The following NEBL variants were observed in gnomAD, a reference collection of about 807,000 sequenced individuals.
NEBL encodes the protein LIM and SH3 protein 2.
NEBL carries 122 observed loss-of-function variants against 140.2 expected under a neutral mutation model. The observed-to-expected ratio is 0.87, with a 90% CI of 0.75 to 1.01. NEBL has a LOEUF of 1.01. Among genes scored for constraint, NEBL ranks in the 50% least tolerant of loss-of-function variants. NEBL has a pLI of 0.00. For missense variants in NEBL, 1,365 were observed against 1,231.3 expected, an observed-to-expected ratio of 1.11 and a Z score of -1.62; for synonymous variants, 436 against 398.9, an observed-to-expected ratio of 1.09 and a Z score of -1.11.
At chr10:21,120,515 C>G (rs969377930) in intron 2 of NEBL, among the ~76,000 whole-genome samples, 5 of 145,104 alleles carry the variant, frequency 3.4e-5, no homozygotes, top group African/African-American at 5.2e-5. Flanking sequence ...TTGGAGAATA[C>G]TCTATTCTTC....
chr10:21,195,131 C>G (rs1475896198), intron 3 of NEBL, among the ~76,000 whole-genome samples: 1 of 152,040 alleles, frequency 6.6e-6, no homozygotes, highest in Non-Finnish European at 1.5e-5. Flanking sequence ...ATTTCCTAGC[C>G]CTGTCAACCC....
chr10:20,893,581 G>C (rs1314843324), intron 2 of NEBL, among the ~76,000 whole-genome samples: 1 of 152,238 alleles, frequency 6.6e-6, no homozygotes, highest in African/African-American at 2.4e-5. Context: ...CTGAAAAACG[G>C]ACATTTCTCT....
intron 3 of NEBL, among the ~76,000 whole-genome samples, chr10:20,969,273 GTTAA>G (rs1836460634): frequency 6.6e-6 from 1 of 151,332 alleles, no homozygotes; most frequent in South Asian, 2.1e-4. Context: ...TAAATCTATG[GTTAA>G]TTAAATAAAA....
rs572084137 is a variant in NEBL at position 20,927,651 on chromosome 10, G to A, written c.357+34021C>T. Among the ~76,000 whole-genome samples the A allele has an allele frequency of 2.6e-5, 4 of 152,302 alleles. No individual in the cohort carries two copies. The East Asian group carries it at 7.7e-4, about 29-fold the overall frequency. The stretch of plus-strand genomic sequence containing the variant: ...GTTCGTGTAAATATCCTTTGCCAGT[G>A]TAAACACAGAATAACTCAAGTGCAA... On this transcript the variant is annotated intron_variant, in intron 4 of 6. Coordinates refer to the NEBL transcript ENST00000417816.
chr10:21,008,898 T>C (rs1357469182), intron 3 of NEBL, among the ~76,000 whole-genome samples: 2 of 151,672 alleles, frequency 1.3e-5, no homozygotes, highest in African/African-American at 4.8e-5. Flanking sequence ...ATGTATATTA[T>C]ATGTATATCT....
intron 3 of NEBL, among the ~76,000 whole-genome samples, chr10:21,244,581 G>A (rs1007965855): frequency 1.3e-5 from 2 of 151,740 alleles, no homozygotes; most frequent in Non-Finnish European, 2.9e-5. Context: ...GAACCTGGGA[G>A]ATAGAGGTTG....
Position 21,136,468 on chromosome 10 carries a change from AC to A in NEBL, c.164+35914del, listed in dbSNP as rs534305781. On this transcript the variant is annotated intron_variant, in intron 2 of 6. Transcript: ENST00000417816. ...CTCAGCCTCCCAAAGGGCTGAGATA[AC>A]AGGCATGGGCCACCATGCCCAGCCC... Among the ~76,000 whole-genome samples, 709 of 152,274 alleles carry A rather than the reference AC, an allele frequency of 4.7e-3. 4 individuals are homozygous for A. The highest frequency in any genetic ancestry group is 6.5e-3 in the Non-Finnish European group (443 of 68,026).
At chr10:21,014,132 T>C (rs946984162) in intron 3 of NEBL, among the ~76,000 whole-genome samples, 3 of 152,000 alleles carry the variant, frequency 2.0e-5, no homozygotes, top group Non-Finnish European at 4.4e-5. Context: ...TTATTATTAA[T>C]ATTATTTTAG....
At chr10:21,064,907 G>GA (rs148238258) in intron 2 of NEBL, among the ~76,000 whole-genome samples, 485 of 149,104 alleles carry the variant, frequency 3.3e-3, no homozygotes, top group African/African-American at 4.8e-3. Context: ...GGACAAGCAG[G>GA]AAAAAAAAAA....
intron 1 of NEBL, among the ~76,000 whole-genome samples, chr10:21,266,288 C>T (rs1355702860): frequency 6.6e-6 from 1 of 151,964 alleles, no homozygotes; most frequent in African/African-American, 2.4e-5. Flanking sequence ...ACCACAGGTG[C>T]ACACCACCAT....
At chr10:20,805,106 A>G (rs186531660) in intron 26 of NEBL, among the ~76,000 whole-genome samples, 20 of 152,292 alleles carry the variant, frequency 1.3e-4, no homozygotes, top group Non-Finnish European at 2.2e-4. Flanking sequence ...TGAACTAGAC[A>G]TGGGGTATGA....
At chr10:21,229,858 A>G (rs7920473) in intron 3 of NEBL, among the ~76,000 whole-genome samples, 1,843 of 152,316 alleles carry the variant, frequency 0.012, 39 homozygotes, top group African/African-American at 0.042. Context: ...GACCTGGTAA[A>G]CCTCATGTGG....
intron 3 of NEBL, among the ~76,000 whole-genome samples, chr10:20,964,146 T>C (rs1216566770): frequency 1.3e-5 from 2 of 152,092 alleles, no homozygotes; most frequent in African/African-American, 4.8e-5. Context: ...CAATCTCATG[T>C]GGCCCCTTTG....
rs61528395 is a variant in NEBL, at chr10:20,799,948, TGA to T, written c.2761+8560_2761+8561del. Among the ~76,000 whole-genome samples the T allele has an allele frequency of 5.3e-4, 80 of 150,554 alleles. No individual in the cohort carries two copies. In the East Asian group the frequency reaches 8.3e-3, roughly 16 times the overall value. ...ACGTGTGTGTGTGTGTGTGTGTGTG[TGA>T]GACGGAGAAAGAGAGAGCGCACGCG... On this transcript the variant is annotated intron_variant, in intron 26 of 27. Coordinates refer to ENST00000377122, the MANE Select transcript of NEBL (RefSeq NM_006393.3).
intron 2 of NEBL, among the ~76,000 whole-genome samples, chr10:21,099,357 C>T (rs922029327): frequency 6.6e-6 from 1 of 152,130 alleles, no homozygotes; most frequent in South Asian, 2.1e-4. Context: ...CTTTCGCGTC[C>T]TCCCCTGTCT....
chr10:20,955,019 T>C (rs945857414), intron 4 of NEBL, among the ~76,000 whole-genome samples: 1 of 152,136 alleles, frequency 6.6e-6, no homozygotes, highest in Admixed American at 6.5e-5. Flanking sequence ...CTTAACAGAT[T>C]TTAAAAGAGG....
Position 20,896,970 on chromosome 10 carries a change from T to C in NEBL, c.141A>G (p.Glu47=). The change falls in exon 2 of 28, where the codon GAA becomes GAG. Residue 47 remains glutamate (E), a synonymous_variant. Transcript: ENST00000377122. ...TCCAGCCACTTACATCGCTAATGAG[T>C]TCCGTGCATTTTCTGGCCAATTCCA... is the stretch of plus-strand genomic sequence containing the variant. ...LSMELARKCT[E]LISDIRYKEE... The C allele has an allele frequency of 6.2e-7, 1 of 1,613,824 alleles. No individual in the cohort carries two copies.
intron 2 of NEBL, among the ~76,000 whole-genome samples, chr10:21,080,266 A>G (rs992952504): frequency 1.3e-5 from 2 of 152,232 alleles, no homozygotes; most frequent in Admixed American, 1.3e-4. Context: ...TATGATATCC[A>G]TATTCTGTGA....
intron 4 of NEBL, among the ~76,000 whole-genome samples, chr10:20,938,604 G>A (rs879362553): frequency 6.6e-6 from 1 of 152,200 alleles, no homozygotes; most frequent in Non-Finnish European, 1.5e-5. Context: ...ACTTTGACGA[G>A]TTGAGAGAAG....
Sources: allele counts gnomAD v4.1 joint callset (sites outside exome capture counted in the v4.1 genomes callset), GRCh38; gene constraint gnomAD v4.1.1; transcripts MANE v1.5; gene names NCBI Gene and HGNC (gene_info 2026-07-23, HGNC 2026-07-21).